DPYD: variants seen among roughly 807,000 people sequenced by gnomAD.
DPYD encodes the protein dihydropyrimidine dehydrogenase [NADP(+)].
A neutral mutation model predicts 116.2 loss-of-function variants in DPYD; 109 were observed. The ratio of observed to expected loss-of-function variants is 0.94; its 90% CI spans 0.80 to 1.10. The LOEUF (loss-of-function observed/expected upper bound fraction) is 1.10, where lower values mean the gene tolerates loss of function less well. Ranked by LOEUF, DPYD falls within the 50% of genes least tolerant of loss-of-function variation. The pLI, the probability that DPYD is intolerant of heterozygous loss-of-function variation, is 0.00. For synonymous variants in DPYD, 440 were observed against 432.0 expected (o/e 1.02, Z -0.23); for missense variants, 1,302 against 1,254.5 (o/e 1.04, Z -0.57).
chr1:97,187,356 T>TTGA (rs1340582259), intron 20 of DPYD, among the ~76,000 whole-genome samples: 14 of 152,160 alleles, frequency 9.2e-5, no homozygotes, highest in African/African-American at 2.4e-5. Context: ...TTTTATATGC[T>TTGA]TGATGGGGTT....
At chr1:97,603,205 T>A (rs1655376277) in intron 8 of DPYD, among the ~76,000 whole-genome samples, 1 of 152,006 alleles carries the variant, frequency 6.6e-6, no homozygotes. Flanking sequence ...TCTTAGATAG[T>A]GTTAGGAAAT....
At chr1:97,898,185 A>G (rs1432930343) in intron 1 of DPYD, among the ~76,000 whole-genome samples, 1 of 142,904 alleles carries the variant, frequency 7.0e-6, no homozygotes, top group East Asian at 2.0e-4. Context: ...GACCCATGTG[A>G]GTGCTAGTTC....
At chr1:97,727,252 C>G (rs1452251537) in intron 4 of DPYD, among the ~76,000 whole-genome samples, 2 of 151,612 alleles carry the variant, frequency 1.3e-5, no homozygotes, top group African/African-American at 4.8e-5. Flanking sequence ...AGAATCATAG[C>G]CACATCATTC....
At chr1:97,323,160 AATAT>A (rs1179361304) in intron 16 of DPYD, among the ~76,000 whole-genome samples, 1 of 149,390 alleles carries the variant, frequency 6.7e-6, no homozygotes, top group Non-Finnish European at 1.5e-5. Flanking sequence ...TATATGTGTA[AATAT>A]ATATGTATAT....
At position 97,591,734 on chromosome 1, in the gene DPYD, A is replaced by G. The variant is rs184679171; in HGVS notation, c.1128+1484T>C. ...CTAACATTGGAATCAGAAGGATAAG[A>G]CTTAATATTTAAAATGTTTAGTTCA... On this transcript the variant is annotated intron_variant, in intron 10 of 22. Coordinates refer to ENST00000370192, the MANE Select transcript of DPYD (RefSeq NM_000110.4). 2.2e-3 allele frequency among the ~76,000 whole-genome samples: 332 copies of G among 152,302 alleles called. 4 individuals carry two copies. The highest frequency in any genetic ancestry group is 7.5e-3 in the African/African-American group (310 of 41,568).
intron 20 of DPYD, among the ~76,000 whole-genome samples, chr1:97,165,730 A>C (rs369772877): frequency 1.3e-5 from 2 of 152,194 alleles, no homozygotes; most frequent in African/African-American, 4.8e-5. Context: ...TACAAGAAAG[A>C]AGTAACAACC....
At position 97,593,285 on chromosome 1, in the gene DPYD, C is replaced by T. The variant is rs1285381791; in HGVS notation, c.1061G>A (p.Cys354Tyr). 1.2e-6 allele frequency: 2 copies of T among 1,614,144 alleles called. No individual in the cohort carries two copies. Among genetic ancestry groups the T allele is most frequent in the South Asian group, 2.2e-5 (2 of 91,084 alleles). Residue 354 changes from cysteine to tyrosine, a missense_variant, in exon 10 of 23, where the codon TGT (cysteine) becomes TAT (tyrosine). Physicochemically the swap from Cys to Tyr is radical, Grantham distance 194 (BLOSUM62 -2). Coordinates refer to ENST00000370192, the MANE Select transcript of DPYD (RefSeq NM_000110.4). ...AFDCATSALRCGARRVFIVFR... is the reference protein window; with the variant it reads ...AFDCATSALRYGARRVFIVFR... ...GACGATGAACACACGGCGAGCTCCA[C>T]AACGTAGAGCAGATGTTGCACAGTC...
chr1:97,499,036 A>C (rs1679430427), intron 13 of DPYD, among the ~76,000 whole-genome samples: 1 of 151,708 alleles, frequency 6.6e-6, no homozygotes, highest in Non-Finnish European at 1.5e-5. Context: ...TAACTTTAAA[A>C]GTTATTTTCA....
chr1:97,417,672 TC>T (rs1012196003), intron 14 of DPYD, among the ~76,000 whole-genome samples: 7 of 152,246 alleles, frequency 4.6e-5, no homozygotes, highest in African/African-American at 1.4e-4. Context: ...TTAATTTTTT[TC>T]AATATTGAAA....
At chr1:97,702,342 T>A (rs1661643808) in intron 5 of DPYD, among the ~76,000 whole-genome samples, 1 of 151,740 alleles carries the variant, frequency 6.6e-6, no homozygotes, top group South Asian at 2.1e-4. Context: ...TTTAACGTGA[T>A]CAAGGATCTC....
chr1:97,742,160 A>C (rs1467923593), intron 3 of DPYD, among the ~76,000 whole-genome samples: 1 of 152,124 alleles, frequency 6.6e-6, no homozygotes, highest in Admixed American at 6.6e-5. Context: ...CAAGAATTTC[A>C]CTGAGCATGA....
intron 20 of DPYD, among the ~76,000 whole-genome samples, chr1:97,137,170 T>C (rs1709409): frequency 0.21 from 31,205 of 152,158 alleles, 3,258 homozygotes; most frequent in East Asian, 0.31. Flanking sequence ...CTTCCGGGAA[T>C]GCTAAGAATA....
intron 1 of DPYD, among the ~76,000 whole-genome samples, chr1:97,884,055 A>G (rs923170240): frequency 6.6e-6 from 1 of 151,998 alleles, no homozygotes; most frequent in Non-Finnish European, 1.5e-5. Context: ...TCATTATATC[A>G]ATGTATATCA....
At chr1:97,184,533 T>C (rs897649267) in intron 20 of DPYD, among the ~76,000 whole-genome samples, 1 of 152,204 alleles carries the variant, frequency 6.6e-6, no homozygotes, top group African/African-American at 2.4e-5. Context: ...TGAGCTTTTT[T>C]TCATACGCTT....
Position 97,449,993 on chromosome 1 carries a change from G to C in DPYD, c.1905+66C>G, listed in dbSNP as rs2101791106. 4 of 1,560,370 alleles carry C rather than the reference G, an allele frequency of 2.6e-6. No individual in the cohort carries two copies. The South Asian group carries it at 4.5e-5, about 17-fold the overall frequency. ...TTAATATTTATAAGCCTATGAATTG[G>C]ATGTTTAAATAAACATTCACCAACT... On this transcript the variant is annotated intron_variant, in intron 14 of 22. Coordinates refer to ENST00000370192, the MANE Select transcript of DPYD (RefSeq NM_000110.4).
At chr1:97,870,289 A>AT (rs1204413578) in intron 2 of DPYD, among the ~76,000 whole-genome samples, 3 of 151,728 alleles carry the variant, frequency 2.0e-5, no homozygotes, top group African/African-American at 4.8e-5. Flanking sequence ...GGTATAACAC[A>AT]TTTTTTTTGT....
At chr1:97,145,594 A>G (rs540449498) in intron 20 of DPYD, among the ~76,000 whole-genome samples, 1 of 152,270 alleles carries the variant, frequency 6.6e-6, no homozygotes, top group Non-Finnish European at 1.5e-5. Context: ...TTGTTTTTGG[A>G]CAGGGTATTA....
intron 2 of DPYD, among the ~76,000 whole-genome samples, chr1:97,849,343 GTA>G (rs1670461587): frequency 6.6e-6 from 1 of 152,066 alleles, no homozygotes; most frequent in Non-Finnish European, 1.5e-5. Flanking sequence ...TTTGTTCTAT[GTA>G]TATGTATTTC....
intron 20 of DPYD, among the ~76,000 whole-genome samples, chr1:97,166,685 T>A (rs2101758154): frequency 6.6e-6 from 1 of 152,334 alleles, no homozygotes; most frequent in East Asian, 1.9e-4. Context: ...ATCTTTACCT[T>A]CCCTTCAGCC....
Sources: allele counts gnomAD v4.1 joint callset (sites outside exome capture counted in the v4.1 genomes callset), GRCh38; gene constraint gnomAD v4.1.1; transcripts MANE v1.5; gene names NCBI Gene and HGNC (gene_info 2026-07-23, HGNC 2026-07-21).